RAPGEF6: variants seen among roughly 807,000 people sequenced by gnomAD.
The protein encoded by RAPGEF6 is Rap guanine nucleotide exchange factor 6, also known as PDZ domain containing guanine nucleotide exchange factor (GEF) 2.
Under a neutral mutation model 171.4 loss-of-function variants are expected in RAPGEF6, and 56 were observed. That is an observed-to-expected ratio of 0.33 (90% CI 0.26 to 0.41). The LOEUF (loss-of-function observed/expected upper bound fraction) is 0.41. Among genes scored for constraint, RAPGEF6 ranks in the 10% least tolerant of loss-of-function variants. The pLI is 1.00. For missense variants in RAPGEF6, 1,674 were observed against 1,921.4 expected (o/e 0.87, Z 2.41); for synonymous variants, 692 against 650.1 (o/e 1.06, Z -0.98).
intron 1 of RAPGEF6, among the ~76,000 whole-genome samples, chr5:131,611,318 T>C (rs902362557): frequency 1.3e-5 from 2 of 152,176 alleles, no homozygotes; most frequent in Non-Finnish European, 2.9e-5. Context: ...GTAAATAAAT[T>C]TTCTATACTT....
chr5:131,568,470 G>A (rs4706024), intron 4 of RAPGEF6, among the ~76,000 whole-genome samples: 116,996 of 151,884 alleles, frequency 0.77, 45,373 homozygotes, highest in African/African-American at 0.82. Flanking sequence ...AGCAAAGACT[G>A]CAAGTGTACA....
At chr5:131,599,438 A>G (rs1418231622) in intron 3 of RAPGEF6, among the ~76,000 whole-genome samples, 1 of 152,198 alleles carries the variant, frequency 6.6e-6, no homozygotes, top group African/African-American at 2.4e-5. Context: ...TAAACAAATG[A>G]GCAAAATAAA....
intron 15 of RAPGEF6, 32 bp from the exon 16 acceptor site, chr5:131,479,785 T>A: frequency 6.3e-7 from 1 of 1,590,668 alleles, no homozygotes; most frequent in South Asian, 1.1e-5. Flanking sequence ...GTCATTTTAT[T>A]TCTTCTCTTC....
intron 11 of RAPGEF6, among the ~76,000 whole-genome samples, chr5:131,500,197 C>T (rs1011877136): frequency 6.6e-6 from 1 of 152,116 alleles, no homozygotes; most frequent in African/African-American, 2.4e-5. Flanking sequence ...GTGCCTGGCC[C>T]TATTTTATTA....
chr5:131,428,849 T>A, intron 27 of RAPGEF6, 53 bp downstream of exon 27: 1 of 1,496,648 alleles, frequency 6.7e-7, no homozygotes, highest in Non-Finnish European at 9.2e-7. Context: ...TAAAGACCAT[T>A]TAATGTGTTC....
Position 131,526,601 on chromosome 5 carries a change from G to C in RAPGEF6, c.496-5080C>G, listed in dbSNP as rs375700610. On this transcript the variant is annotated intron_variant, in intron 6 of 27. Coordinates refer to ENST00000509018, the MANE Select transcript of RAPGEF6 (RefSeq NM_016340.6). ...AAAAGGAAAGGCTTTTCCTCCAAGA[G>C]AAGTTCTTGGTTCCCTAAATCTTCT... Among the ~76,000 whole-genome samples the C allele has an allele frequency of 3.3e-5, 5 of 152,258 alleles. No homozygotes were observed. The East Asian group carries it at 9.7e-4, about 29-fold the overall frequency.
At chr5:131,615,619 G>A (rs1006135809) in intron 1 of RAPGEF6, among the ~76,000 whole-genome samples, 2 of 152,208 alleles carry the variant, frequency 1.3e-5, no homozygotes, top group East Asian at 1.9e-4. Flanking sequence ...GAGGGAAGTC[G>A]GCTGGGTACA....
intron 6 of RAPGEF6, among the ~76,000 whole-genome samples, chr5:131,527,583 G>A (rs974529851): frequency 6.6e-6 from 1 of 151,960 alleles, no homozygotes; most frequent in Non-Finnish European, 1.5e-5. Flanking sequence ...TCCTCTTAGG[G>A]TACCTACTGT....
At chr5:131,631,149 A>G (rs1399832689) in intron 1 of RAPGEF6, among the ~76,000 whole-genome samples, 3 of 152,238 alleles carry the variant, frequency 2.0e-5, no homozygotes, top group Admixed American at 2.0e-4. Context: ...AATTTTACCC[A>G]GTCTCATGAC....
rs766495524 is a variant in RAPGEF6 at position 131,442,364 on chromosome 5, T to C, written c.3595A>G (p.Lys1199Glu). Residue 1199 changes from lysine to glutamate, a missense_variant, in exon 23 of 28, where the codon AAA becomes GAA. Physicochemically the swap from Lys to Glu is moderately conservative, Grantham distance 56. This residue lies in a region of RAPGEF6 where 552 missense variants were observed against 574.2 expected (regional missense o/e 0.96). Transcript: ENST00000509018. ...LHPIRKKGQT[K>E]DPALNTSLPQ... ...GAATACTCACTCAGTGCAGGGTCTT[T>C]TGTTTGTCCCTTCTTCCTGATGGGG... 5 of 1,613,940 alleles carry C rather than the reference T, an allele frequency of 3.1e-6. No homozygotes were observed. The South Asian group carries it at 5.5e-5, about 18-fold the overall frequency.
Position 131,442,171 on chromosome 5 carries a change from C to T in RAPGEF6, c.3610+178G>A, listed in dbSNP as rs911275082. Among the ~76,000 whole-genome samples the T allele has an allele frequency of 5.3e-5, 8 of 152,172 alleles. No individual in the cohort carries two copies. The East Asian group carries it at 1.3e-3, about 26-fold the overall frequency. ...AAATTCAATGTTGGCATTTAAAACA[C>T]GTATGCTGTCAGCAAACATCTATAG... On this transcript the variant is annotated intron_variant, in intron 23 of 27. Coordinates refer to ENST00000509018, the MANE Select transcript of RAPGEF6 (RefSeq NM_016340.6).
intron 7 of RAPGEF6, among the ~76,000 whole-genome samples, chr5:131,517,366 T>C (rs1379863139): frequency 6.6e-6 from 1 of 151,698 alleles, no homozygotes; most frequent in Non-Finnish European, 1.5e-5. Context: ...CTATATATAG[T>C]CTTCTGCCCC....
At chr5:131,589,498 GAC>G (rs767148127) in intron 4 of RAPGEF6, among the ~76,000 whole-genome samples, 2 of 152,280 alleles carry the variant, frequency 1.3e-5, no homozygotes, top group African/African-American at 2.4e-5. Flanking sequence ...TTGTTACGTA[GAC>G]ACAGATTGTT....
In RAPGEF6 at chr5:131,533,169, T is replaced by C. The variant is rs1017295707; in HGVS notation, c.496-11648A>G. On this transcript the variant is annotated intron_variant, in intron 6 of 27. Coordinates refer to ENST00000509018, the MANE Select transcript of RAPGEF6 (RefSeq NM_016340.6). Reference sequence around the variant, plus strand: ...CCCCAAGAGCAATTTATTGAAAACATACACACACACACACACACACACACA... The same window carrying C: ...CCCCAAGAGCAATTTATTGAAAACACACACACACACACACACACACACACA... 3.7e-3 allele frequency: 506 copies of C among 136,898 alleles called. 3 individuals are homozygous for C. Among genetic ancestry groups the C allele is most frequent in the Non-Finnish European group, 5.0e-3 (320 of 63,438 alleles). 8.5% of individuals were successfully genotyped at this position (136,898 alleles called of 1,614,324 possible).
At chr5:131,443,069 C>G (rs147438683) in intron 22 of RAPGEF6, among the ~76,000 whole-genome samples, 3,089 of 151,956 alleles carry the variant, frequency 0.02, 91 homozygotes, top group African/African-American at 0.064. Flanking sequence ...CTCAGCCTCC[C>G]GAGTAGCTGG....
intron 24 of RAPGEF6, chr5:131,436,332 G>A: frequency 1.3e-6 from 2 of 1,537,554 alleles, no homozygotes; most frequent in South Asian, 1.2e-5. Flanking sequence ...CTATTCCGGG[G>A]CAGCTCTGGC....
Position 131,441,877 on chromosome 5 carries a change from T to C in RAPGEF6, c.3610+472A>G, listed in dbSNP as rs183876371. On this transcript the variant is annotated intron_variant, in intron 23 of 27. Coordinates refer to ENST00000509018, the MANE Select transcript of RAPGEF6 (RefSeq NM_016340.6). The stretch of plus-strand genomic sequence containing the variant: ...AAATAAAAGTAATATGAATAATGAC[T>C]ATATGGCCTAACAGAAAAAAAAAGT... Among the ~76,000 whole-genome samples the C allele has an allele frequency of 4.8e-3, 729 of 152,256 alleles. 5 individuals are homozygous for C. Among genetic ancestry groups the C allele is most frequent in the African/African-American group, 0.017 (692 of 41,560 alleles).
chr5:131,523,112 G>A (rs1758613528), intron 6 of RAPGEF6, among the ~76,000 whole-genome samples: 1 of 151,992 alleles, frequency 6.6e-6, no homozygotes. Flanking sequence ...AAAAAGTATG[G>A]AATAAACTCC....
intron 10 of RAPGEF6, 135 bp downstream of exon 10, chr5:131,505,229 T>C (rs1757297585): frequency 2.4e-6 from 2 of 835,386 alleles, no homozygotes; most frequent in Non-Finnish European, 3.8e-6. Context: ...ATACAAAATC[T>C]ACTTTCCTTT....
Sources: allele counts gnomAD v4.1 joint callset (sites outside exome capture counted in the v4.1 genomes callset), GRCh38; gene constraint gnomAD v4.1.1; regional missense constraint gnomAD v4.1.1; transcripts MANE v1.5; gene names NCBI Gene and HGNC (gene_info 2026-07-23, HGNC 2026-07-21).